Variants in WWC2 observed in about 807,000 individuals in gnomAD.
WWC2 encodes WW and C2 domain containing 2.
Under a neutral mutation model 138.5 loss-of-function variants are expected in WWC2, and 101 were observed. That is an observed-to-expected ratio of 0.73 (90% CI 0.62 to 0.86). WWC2 has a LOEUF of 0.86. Ranked by LOEUF, WWC2 falls within the 40% of genes least tolerant of loss-of-function variation. The pLI is 0.00. For synonymous variants in WWC2, 558 were observed against 538.4 expected (o/e 1.04, Z -0.50); for missense variants, 1,420 against 1,419.4 (o/e 1.00, Z -0.01).
chr4:183,245,299 ACAGT>A (rs1165228042), intron 5 of WWC2, 113 bp from the exon 6 acceptor site: 2 of 812,968 alleles, frequency 2.5e-6, no homozygotes, highest in African/African-American at 1.8e-5. Context: ...CTGGTATATG[ACAGT>A]CAGCAGTGAA....
chr4:183,241,734 T>C (rs903511165), intron 5 of WWC2, among the ~76,000 whole-genome samples: 2 of 151,896 alleles, frequency 1.3e-5, no homozygotes, highest in African/African-American at 4.8e-5. Context: ...ATGACATAAA[T>C]GCATTATTTA....
chr4:183,157,947 A>G (rs1561440872), intron 1 of WWC2, among the ~76,000 whole-genome samples: 1 of 151,836 alleles, frequency 6.6e-6, no homozygotes, highest in Non-Finnish European at 1.5e-5. Context: ...ACTGCCTCCT[A>G]GAGTCCCAAG....
chr4:183,175,369 C>T (rs980499006), intron 1 of WWC2, among the ~76,000 whole-genome samples: 1 of 152,034 alleles, frequency 6.6e-6, no homozygotes, highest in African/African-American at 2.4e-5. Flanking sequence ...TCAGGTGATC[C>T]TCCCACCTCA....
In WWC2 at chr4:183,312,185, T is replaced by C. The variant is rs554516981; in HGVS notation, c.3385-156T>C. 1.3e-4 allele frequency among the ~76,000 whole-genome samples: 20 copies of C among 152,324 alleles called. No individual in the cohort carries two copies. In the South Asian group the frequency reaches 3.9e-3, roughly 30 times the overall value. ...ACAGCATGAGTTGGTCATGTGGGTG[T>C]TGGCTCCTGATGGGTGATAAAAAGG... is the stretch of plus-strand genomic sequence containing the variant. On this transcript the variant is annotated intron_variant, in intron 21 of 22. Transcript: ENST00000403733.
intron 1 of WWC2, among the ~76,000 whole-genome samples, chr4:183,163,059 C>T (rs1022228233): frequency 1.3e-5 from 2 of 151,944 alleles, no homozygotes; most frequent in African/African-American, 4.8e-5. Flanking sequence ...CCATTAGGGA[C>T]AAAAAGAGGG....
At chr4:183,219,511 A>G (rs1007424718) in intron 4 of WWC2, among the ~76,000 whole-genome samples, 1 of 152,206 alleles carries the variant, frequency 6.6e-6, no homozygotes, top group African/African-American at 2.4e-5. Flanking sequence ...CAAATACAAG[A>G]CTTTTTAAAT....
chr4:183,159,087 C>T (rs959480918), intron 1 of WWC2, among the ~76,000 whole-genome samples: 3 of 152,066 alleles, frequency 2.0e-5, no homozygotes, highest in Non-Finnish European at 4.4e-5. Context: ...ATGAAAATAC[C>T]CATAAAATGC....
intron 1 of WWC2, among the ~76,000 whole-genome samples, chr4:183,160,886 A>G (rs1733943919): frequency 6.6e-6 from 1 of 152,198 alleles, no homozygotes; most frequent in Non-Finnish European, 1.5e-5. Flanking sequence ...GATAAGTTGT[A>G]AGGCAACTCC....
chr4:183,281,236 T>A (rs1336579511), intron 17 of WWC2: 2 of 352,464 alleles, frequency 5.7e-6, no homozygotes, highest in Non-Finnish European at 1.0e-5. Context: ...AGTGACTCTA[T>A]TTTTCTTTTA....
At chr4:183,181,604 T>G (rs1734634831) in intron 1 of WWC2, among the ~76,000 whole-genome samples, 1 of 151,956 alleles carries the variant, frequency 6.6e-6, no homozygotes, top group Non-Finnish European at 1.5e-5. Flanking sequence ...CTTAGTTTAT[T>G]GTAAGGATAC....
intron 4 of WWC2, among the ~76,000 whole-genome samples, chr4:183,222,262 T>C (rs1222037638): frequency 6.6e-6 from 1 of 152,108 alleles, no homozygotes; most frequent in Non-Finnish European, 1.5e-5. Context: ...TAAATAAATA[T>C]GGTTAAAATA....
Position 183,239,941 on chromosome 4 carries a change from G to C in WWC2, c.523-242G>C, listed in dbSNP as rs1252046853. ...GACAATGATGATGTCCAGCTCATAA[G>C]AATGTTGCTAAGTAAGGTAATGAAG... is the stretch of plus-strand genomic sequence containing the variant. On this transcript the variant is annotated intron_variant, in intron 4 of 22. Transcript: ENST00000403733. Among the ~76,000 whole-genome samples, 4 of 152,304 alleles carry C rather than the reference G, an allele frequency of 2.6e-5. No homozygotes were observed. The East Asian group carries it at 7.7e-4, about 29-fold the overall frequency.
chr4:183,239,556 G>A (rs1037562502), intron 4 of WWC2, among the ~76,000 whole-genome samples: 2 of 152,168 alleles, frequency 1.3e-5, no homozygotes, highest in Admixed American at 6.5e-5. Flanking sequence ...GCTTGGCATG[G>A]TTGTAGATGC....
At chr4:183,262,908 A>G (rs1230029321) in intron 11 of WWC2, among the ~76,000 whole-genome samples, 2 of 152,182 alleles carry the variant, frequency 1.3e-5, no homozygotes, top group East Asian at 3.9e-4. Flanking sequence ...CAGGATTATG[A>G]TTCCTTATCT....
At chr4:183,264,063 C>A (rs1443569263) in intron 11 of WWC2, among the ~76,000 whole-genome samples, 2 of 152,198 alleles carry the variant, frequency 1.3e-5, no homozygotes, top group Non-Finnish European at 1.5e-5. Context: ...TAAATCATGT[C>A]ATCACCTTCA....
chr4:183,284,588 A>G (rs778080456), intron 19 of WWC2, among the ~76,000 whole-genome samples, 198 bp downstream of exon 19: 3 of 152,228 alleles, frequency 2.0e-5, no homozygotes, highest in African/African-American at 4.8e-5. Flanking sequence ...ATCAAATTTA[A>G]TGCCTCCTTG....
chr4:183,247,520 C>G (rs1429346597), intron 6 of WWC2, among the ~76,000 whole-genome samples: 2 of 135,906 alleles, frequency 1.5e-5, no homozygotes, highest in Non-Finnish European at 3.0e-5. Flanking sequence ...ATACACTATA[C>G]TATATATATA....
At chr4:183,124,992 G>A (rs907323541) in intron 1 of WWC2, among the ~76,000 whole-genome samples, 1 of 152,192 alleles carries the variant, frequency 6.6e-6, no homozygotes, top group Non-Finnish European at 1.5e-5. Context: ...ATAGTCCCAA[G>A]AGCAGGAAGC....
chr4:183,166,061 TG>T (rs545648411), intron 1 of WWC2, among the ~76,000 whole-genome samples: 11 of 152,318 alleles, frequency 7.2e-5, no homozygotes, highest in South Asian at 6.2e-4. Context: ...ATTGAGATCT[TG>T]TGTTAGTAAT....
Sources: allele counts gnomAD v4.1 joint callset (sites outside exome capture counted in the v4.1 genomes callset), GRCh38; gene constraint gnomAD v4.1.1; transcripts MANE v1.5; gene names NCBI Gene and HGNC (gene_info 2026-07-23, HGNC 2026-07-21).